Variants in USP47 observed in about 807,000 individuals in gnomAD.
USP47 encodes the protein ubiquitin carboxyl-terminal hydrolase 47.
Under a neutral mutation model 165.1 loss-of-function variants are expected in USP47, and 35 were observed. That is an observed-to-expected ratio of 0.21 (90% CI 0.16 to 0.28). The LOEUF (loss-of-function observed/expected upper bound fraction) is 0.28. USP47 is among the 10% of genes least tolerant of loss of function. USP47 has a pLI of 1.00. For missense variants in USP47, 1,277 were observed against 1,607.4 expected (o/e 0.79, Z 3.52); for synonymous variants, 531 against 544.5 (o/e 0.98, Z 0.35).
chr11:11,948,226 T>G, intron 21 of USP47, 106 bp downstream of exon 21: 1 of 1,296,340 alleles, frequency 7.7e-7, no homozygotes, highest in Admixed American at 2.9e-5. Flanking sequence ...CTGGAAGGAT[T>G]TTTTTTTAAT....
intron 16 of USP47, among the ~76,000 whole-genome samples, chr11:11,935,005 A>G (rs145754858): frequency 1.5e-4 from 23 of 152,284 alleles, no homozygotes; most frequent in African/African-American, 5.0e-4. Flanking sequence ...AATCTGCACC[A>G]GAGTCACATT....
At position 11,933,125 on chromosome 11, in the gene USP47, C is replaced by G. The variant is rs768080263; in HGVS notation, c.1764+9C>G. The G allele has an allele frequency of 2.0e-5, 32 of 1,606,048 alleles. No homozygotes were observed. Among genetic ancestry groups the G allele is most frequent in the Admixed American group, 3.4e-5 (2 of 59,168 alleles). On this transcript the variant is annotated intron_variant, in intron 15 of 27. Coordinates refer to ENST00000527733, the MANE Select transcript of USP47 (RefSeq NM_001282659.2). ...AGCGCAATACATGCAAGGTTGAATT[C>G]CATCATTTTATTTTTAATTGAAAGT...
Position 11,880,241 on chromosome 11 carries a change from C to A in USP47, c.104C>A (p.Thr35Lys), listed in dbSNP as rs929606379. The change falls in exon 2 of 28, where the codon ACA (threonine) becomes AAA (lysine). Residue 35 changes from threonine (T) to lysine (K), a missense_variant. Around this residue, in one of 4 missense-constraint regions of USP47, gnomAD observed 181 missense variants for 194.7 expected, o/e 0.93. Coordinates refer to ENST00000527733, the MANE Select transcript of USP47 (RefSeq NM_001282659.2). ...ATACAAGATACTACTAATTCAAAGA[C>A]AGTGAATGAACGGATCACTTTAAAT... ...CIIQDTTNSK[T>K]VNERITLNLP... The A allele has an allele frequency of 6.8e-7, 1 of 1,464,376 alleles. No homozygotes were observed. 90.7% of individuals were successfully genotyped at this position (1,464,376 alleles called of 1,614,324 possible).
At position 11,942,442 on chromosome 11, in the gene USP47, G is replaced by C; in HGVS notation, c.2421G>C (p.Leu807Phe). Residue 807 changes from leucine (L) to phenylalanine (F), a missense_variant, in exon 20 of 28, where the codon TTG (leucine) becomes TTC (phenylalanine). Leu to Phe is a conservative substitution (Grantham distance 22, BLOSUM62 0). Around this residue, in one of 4 missense-constraint regions of USP47, gnomAD observed 909 missense variants for 1,068.1 expected, o/e 0.85. Transcript: ENST00000527733. ...CAAATACAATCAGATTATTTGTTTT[G>C]CTACCTGAACAATCCCCAGTATCTT... Reference protein sequence around the residue: ...RHANTIRLFVLLPEQSPVSYS... With the variant: ...RHANTIRLFVFLPEQSPVSYS... 1 of 1,613,552 alleles carries C rather than the reference G, an allele frequency of 6.2e-7. No homozygotes were observed. Among genetic ancestry groups the C allele is most frequent in the Non-Finnish European group, 8.5e-7 (1 of 1,179,700 alleles).
At chr11:11,861,846 A>G (rs948024461) in intron 1 of USP47, among the ~76,000 whole-genome samples, 28 of 152,316 alleles carry the variant, frequency 1.8e-4, no homozygotes, top group African/African-American at 6.5e-4. Flanking sequence ...CAAATGTGAT[A>G]TAGTGACATG....
At position 11,880,531 on chromosome 11, in the gene USP47, C is replaced by T. The variant is rs558450745; in HGVS notation, c.243+151C>T. Among the ~76,000 whole-genome samples the T allele has an allele frequency of 1.0e-3, 159 of 152,188 alleles. 1 individual carries two copies. The highest frequency in any genetic ancestry group is 5.4e-3 in the South Asian group (26 of 4,822). On this transcript the variant is annotated intron_variant, in intron 2 of 27. Coordinates refer to ENST00000527733, the MANE Select transcript of USP47 (RefSeq NM_001282659.2). ...CCTATGTGCAGCTCAGTAATTGGAT[C>T]CTTCTTCTTCCTTTGCCTCCATTCT... is the stretch of plus-strand genomic sequence containing the variant.
chr11:11,934,786 A>G (rs892626053), intron 16 of USP47, among the ~76,000 whole-genome samples: 1 of 152,172 alleles, frequency 6.6e-6, no homozygotes, highest in Non-Finnish European at 1.5e-5. Context: ...TCACCAGATC[A>G]TTCTAAATGT....
chr11:11,900,382 G>C (rs7935208), intron 5 of USP47, among the ~76,000 whole-genome samples: 1 of 151,874 alleles, frequency 6.6e-6, no homozygotes, highest in African/African-American at 2.4e-5. Context: ...GGATGGTCTC[G>C]ATCTCCTGAC....
At chr11:11,861,270 T>C (rs1298312115) in intron 1 of USP47, among the ~76,000 whole-genome samples, 3 of 151,878 alleles carry the variant, frequency 2.0e-5, no homozygotes, top group Non-Finnish European at 2.9e-5. Flanking sequence ...AATTTTTGTA[T>C]TTTTTAGTAG....
At chr11:11,917,831 C>A (rs1853541314) in intron 8 of USP47, among the ~76,000 whole-genome samples, 1 of 152,148 alleles carries the variant, frequency 6.6e-6, no homozygotes, top group Admixed American at 6.5e-5. Flanking sequence ...TAGGACCAAG[C>A]ATACCAGTCA....
Position 11,956,397 on chromosome 11 carries a change from G to C in USP47, c.*222G>C. On this transcript the variant is annotated 3_prime_UTR_variant, in exon 28 of 28. Coordinates refer to ENST00000527733, the MANE Select transcript of USP47 (RefSeq NM_001282659.2). ...AGTCAAATGTACTGTAAAGTGAAAA[G>C]GGATGTGCAAAAAAATAAAAAAAAA... is the stretch of plus-strand genomic sequence containing the variant. The C allele has an allele frequency of 2.6e-6, 1 of 380,896 alleles. No homozygotes were observed. The highest frequency in any genetic ancestry group is 4.7e-6 in the Non-Finnish European group (1 of 213,324). 23.6% of individuals were successfully genotyped at this position (380,896 alleles called of 1,614,324 possible).
At chr11:11,853,105 T>A (rs1848818553) in intron 1 of USP47, among the ~76,000 whole-genome samples, 1 of 152,166 alleles carries the variant, frequency 6.6e-6, no homozygotes, top group African/African-American at 2.4e-5. Flanking sequence ...TAATTTTTTT[T>A]TTGCCAAATG....
chr11:11,928,360 T>C (rs539863879), intron 11 of USP47, among the ~76,000 whole-genome samples: 1 of 152,076 alleles, frequency 6.6e-6, no homozygotes, highest in Non-Finnish European at 1.5e-5. Flanking sequence ...GGAATAAAAT[T>C]TGAACCACAA....
chr11:11,869,178 G>C (rs768209623), intron 1 of USP47, among the ~76,000 whole-genome samples: 7 of 152,104 alleles, frequency 4.6e-5, no homozygotes, highest in Non-Finnish European at 8.8e-5. Context: ...CAAGGCTAAG[G>C]ACTCTGCCTA....
chr11:11,885,996 C>T (rs1297647125), intron 3 of USP47, among the ~76,000 whole-genome samples: 1 of 152,106 alleles, frequency 6.6e-6, no homozygotes, highest in African/African-American at 2.4e-5. Flanking sequence ...TGCAGCAGCC[C>T]TATGGAAGAG....
At position 11,961,226 on chromosome 11, in the gene USP47, A is replaced by C. The variant is rs1847441648; in HGVS notation, c.*5051A>C. On this transcript the variant is annotated 3_prime_UTR_variant, in exon 28 of 28. Transcript: ENST00000527733. The stretch of plus-strand genomic sequence containing the variant: ...AGGGCAAAAGAGATTTTGCAGATGC[A>C]ATTAAGGTTAAGGACCTTGACGTGG... Among the ~76,000 whole-genome samples, 1 of 152,122 alleles carries C rather than the reference A, an allele frequency of 6.6e-6. No individual in the cohort carries two copies. The highest frequency in any genetic ancestry group is 1.5e-5 in the Non-Finnish European group (1 of 68,032).
chr11:11,939,676 T>C (rs1855331389), intron 18 of USP47, among the ~76,000 whole-genome samples: 1 of 151,948 alleles, frequency 6.6e-6, no homozygotes, highest in African/African-American at 2.4e-5. Flanking sequence ...CACTCACACA[T>C]AATACAAAAG....
At chr11:11,901,284 A>G (rs1028316943) in intron 5 of USP47, among the ~76,000 whole-genome samples, 11 of 152,326 alleles carry the variant, frequency 7.2e-5, no homozygotes, top group Admixed American at 1.3e-4. Flanking sequence ...TGCATCAGAG[A>G]AAAATTAAAG....
chr11:11,892,380 C>CTTTTTTTTTTTTTT lies in USP47; in HGVS notation c.496+280_496+293dup, dbSNP rs1300802562. 5.8e-5 allele frequency among the ~76,000 whole-genome samples: 7 copies of CTTTTTTTTTTTTTT among 121,146 alleles called. 1 individual carries two copies. Among genetic ancestry groups the CTTTTTTTTTTTTTT allele is most frequent in the African/African-American group, 9.5e-5 (3 of 31,522 alleles). The allele number at this position is 121,146 out of a possible 152,430, so 79.5% of individuals were successfully genotyped here. A position where few individuals can be genotyped will look rare whatever the true frequency, so the allele number is the denominator to read the frequency against. On this transcript the variant is annotated intron_variant, in intron 4 of 27. Transcript: ENST00000527733. ...AGACTTTTCTTTTCTTTTTAATTTT[C>CTTTTTTTTTTTTTT]TTTTTTTTTTTTTTTTTTTGAGACA...
Sources: gnomAD v4.1 joint callset for allele counts (sites outside exome capture counted in the v4.1 genomes callset) on GRCh38, gnomAD v4.1.1 for gene constraint, gnomAD v4.1.1 regional missense constraint, MANE v1.5 for transcripts, NCBI Gene and HGNC (gene_info 2026-07-23, HGNC 2026-07-21) for gene names.